The following HPGD variants were observed in gnomAD, a reference collection of about 807,000 sequenced individuals.
HPGD encodes 15-hydroxyprostaglandin dehydrogenase.
Under a neutral mutation model 30.0 loss-of-function variants are expected in HPGD, and 29 were observed. The observed-to-expected ratio is 0.97, with a 90% CI of 0.72 to 1.32. The LOEUF is 1.32. Ranked by LOEUF, HPGD falls within the 40% of genes most tolerant of loss-of-function variation. HPGD has a pLI of 0.00. For missense variants in HPGD, 340 were observed against 322.1 expected, an observed-to-expected ratio of 1.06 and a Z score of -0.43; for synonymous variants, 99 against 112.4, an observed-to-expected ratio of 0.88 and a Z score of 0.75.
chr4:174,519,849 T>C (rs771457740), intron 2 of HPGD, among the ~76,000 whole-genome samples: 1 of 152,206 alleles, frequency 6.6e-6, no homozygotes, highest in Non-Finnish European at 1.5e-5. Context: ...ACACAAAGCC[T>C]GTTTGGTGGT....
chr4:174,506,953 T>C (rs1029536951), intron 4 of HPGD: 6 of 152,226 alleles, frequency 3.9e-5, no homozygotes, highest in African/African-American at 1.4e-4. Flanking sequence ...CTTAGCTTTA[T>C]GAAAGAATAC....
Position 174,518,017 on chromosome 4 carries a change from C to T in HPGD, c.278G>A (p.Gly93Glu). ...TTCCCAGTTTTTCTCATTATTCACT[C>T]CAGCATTATTGACCAAAATGTCCAG... ...GRLDILVNNA[G>E]VNNEKNWEKT... The change falls in exon 3 of 7, where the codon GGA becomes GAA. Residue 93 changes from glycine to glutamate, a missense_variant. Coordinates refer to ENST00000296522, the MANE Select transcript of HPGD (RefSeq NM_000860.6). The T allele has an allele frequency of 6.2e-7, 1 of 1,608,268 alleles. No individual in the cohort carries two copies. Among genetic ancestry groups the T allele is most frequent in the Non-Finnish European group, 8.5e-7 (1 of 1,174,918 alleles).
intron 4 of HPGD, chr4:174,507,805 A>G: frequency 3.5e-6 from 1 of 282,294 alleles, no homozygotes; most frequent in Non-Finnish European, 6.6e-6. Flanking sequence ...GTATTGAAGG[A>G]TAAGATATCA....
chr4:174,506,675 A>G (rs1735206439), intron 4 of HPGD: 2 of 152,250 alleles, frequency 1.3e-5, no homozygotes, highest in Non-Finnish European at 2.9e-5. Context: ...TTAAAATGAT[A>G]TCAGGTAAAC....
chr4:174,508,063 T>C, intron 4 of HPGD: 1 of 694,574 alleles, frequency 1.4e-6, no homozygotes, highest in South Asian at 1.5e-5. Flanking sequence ...CATGTTCTTC[T>C]TCTCTTTCTG....
chr4:174,516,168 T>C (rs1735761166), intron 3 of HPGD, among the ~76,000 whole-genome samples: 2 of 152,092 alleles, frequency 1.3e-5, no homozygotes, highest in Admixed American at 6.5e-5. Context: ...ACATAAATCA[T>C]TCTACCAAGA....
intron 3 of HPGD, among the ~76,000 whole-genome samples, chr4:174,511,320 C>T (rs188887126): frequency 9.2e-5 from 14 of 152,134 alleles, no homozygotes; most frequent in African/African-American, 2.9e-4. Flanking sequence ...ATACTAAGCA[C>T]GTGAGAGTTA....
At chr4:174,499,806 C>T (rs1734816382) in intron 4 of HPGD, among the ~76,000 whole-genome samples, 1 of 152,198 alleles carries the variant, frequency 6.6e-6, no homozygotes, top group Admixed American at 6.5e-5. Context: ...TGGCTGGCTC[C>T]TCTTCCTTGA....
rs1734623013 is a variant in HPGD at position 174,496,904 on chromosome 4, TC to T, written c.422-1281del. On this transcript the variant is annotated intron_variant, in intron 4 of 6. Transcript: ENST00000296522. This position sits in a 1 kb window ranked among gnomAD's most constrained non-coding sequence, Gnocchi z 4.6. ...CACCTAGTGTGTCCACCCAATGATT[TC>T]AAAGTATTGTTAATATGTTGCTTCT... Among the ~76,000 whole-genome samples the T allele has an allele frequency of 6.6e-6, 1 of 152,252 alleles. No homozygotes were observed. The highest frequency in any genetic ancestry group is 1.5e-5 in the Non-Finnish European group (1 of 68,046).
chr4:174,500,925 T>C (rs1260649483), intron 4 of HPGD, among the ~76,000 whole-genome samples: 1 of 152,218 alleles, frequency 6.6e-6, no homozygotes, highest in Non-Finnish European at 1.5e-5. Flanking sequence ...ATCCACATTG[T>C]ACTTTTTAAT....
At chr4:174,513,547 C>A in intron 3 of HPGD, among the ~76,000 whole-genome samples, 1 of 150,296 alleles carries the variant, frequency 6.7e-6, no homozygotes, top group Admixed American at 6.6e-5. Flanking sequence ...AAAAAGAAAA[C>A]AGTAAATATT....
intron 4 of HPGD, among the ~76,000 whole-genome samples, chr4:174,500,973 G>GT (rs2110800868): frequency 6.6e-6 from 1 of 152,182 alleles, no homozygotes; most frequent in African/African-American, 2.4e-5. Flanking sequence ...CACAAATCTG[G>GT]TATAGTGTCC....
intron 4 of HPGD, among the ~76,000 whole-genome samples, chr4:174,497,188 C>T (rs1164704732): frequency 6.6e-6 from 1 of 152,122 alleles, no homozygotes; most frequent in Admixed American, 6.5e-5. Flanking sequence ...GCAGCATGAA[C>T]CTTAATCAGA....
At chr4:174,497,615 A>G (rs369281942) in intron 4 of HPGD, among the ~76,000 whole-genome samples, 1 of 96,072 alleles carries the variant, frequency 1.0e-5, no homozygotes, top group East Asian at 2.6e-4. Context: ...GTCTCGCTCT[A>G]TCAACAGACT....
chr4:174,509,063 AT>A (rs887149812), intron 3 of HPGD, among the ~76,000 whole-genome samples: 1 of 152,162 alleles, frequency 6.6e-6, no homozygotes, highest in Non-Finnish European at 1.5e-5. Context: ...TATTCCAAAA[AT>A]GTCTATTACT....
chr4:174,514,093 A>G (rs1735650458), intron 3 of HPGD, among the ~76,000 whole-genome samples: 1 of 152,142 alleles, frequency 6.6e-6, no homozygotes, highest in East Asian at 1.9e-4. Context: ...GGATAGTACA[A>G]TTTATAAGTA....
chr4:174,513,865 A>C (rs564951423), intron 3 of HPGD, among the ~76,000 whole-genome samples: 1 of 152,140 alleles, frequency 6.6e-6, no homozygotes, highest in East Asian at 1.9e-4. Flanking sequence ...AAAAATCAAT[A>C]AATTGCAATC....
In HPGD at chr4:174,493,227, T is replaced by G; in HGVS notation, c.586A>C (p.Lys196Gln). The G allele has an allele frequency of 1.2e-6, 2 of 1,612,164 alleles. No individual in the cohort carries two copies. Among genetic ancestry groups the G allele is most frequent in the Non-Finnish European group, 1.7e-6 (2 of 1,178,456 alleles). The change falls in exon 6 of 7, where the codon AAA becomes CAA. Residue 196 changes from lysine (K) to glutamine (Q), a missense_variant. Transcript: ENST00000296522. ...VNTAILESIE[K>Q]EENMGQYIEY... ...ATATATTGTCCCATGTTTTCTTCTT[T>G]TTCAATTGATTCAAGGATGGCTGTG...
chr4:174,497,169 G>A (rs919154995), intron 4 of HPGD, among the ~76,000 whole-genome samples: 13 of 152,116 alleles, frequency 8.5e-5, no homozygotes, highest in African/African-American at 3.1e-4. Context: ...TTCATATATA[G>A]CAGGAAATGC....
Sources: gnomAD v4.1 joint callset for allele counts (sites outside exome capture counted in the v4.1 genomes callset) on GRCh38, gnomAD v4.1.1 for gene constraint, Gnocchi (gnomAD v3.1) non-coding constraint, MANE v1.5 for transcripts, NCBI Gene and HGNC (gene_info 2026-07-23, HGNC 2026-07-21) for gene names.